The following GPATCH2L variants were observed in gnomAD, a reference collection of about 807,000 sequenced individuals.
GPATCH2L encodes G patch domain-containing protein 2-like.
In GPATCH2L, 31 loss-of-function variants were observed where a neutral mutation model predicts 57.4. The ratio of observed to expected loss-of-function variants is 0.54; its 90% CI spans 0.41 to 0.73. The LOEUF (loss-of-function observed/expected upper bound fraction) is 0.73, where lower values mean the gene tolerates loss of function less well. Among genes scored for constraint, GPATCH2L ranks in the 30% least tolerant of loss-of-function variants. GPATCH2L has a pLI of 0.00. For synonymous variants in GPATCH2L, 199 were observed against 210.7 expected (o/e 0.94, Z 0.48); for missense variants, 481 against 599.9 (o/e 0.80, Z 2.07).
intron 8 of GPATCH2L, among the ~76,000 whole-genome samples, chr14:76,184,085 G>A (rs2039680167): frequency 6.6e-6 from 1 of 151,044 alleles, no homozygotes; most frequent in Non-Finnish European, 1.5e-5. Flanking sequence ...GTTATCATTA[G>A]TGGTATAATT....
At chr14:76,174,335 A>C (rs755584004) in intron 5 of GPATCH2L, 2 of 152,204 alleles carry the variant, frequency 1.3e-5, no homozygotes, top group Non-Finnish European at 2.9e-5. Context: ...CTCTACTTTG[A>C]GATTGAGGAA....
At chr14:76,226,424 A>T (rs1376805112) in intron 1 of GPATCH2L, among the ~76,000 whole-genome samples, 1 of 152,176 alleles carries the variant, frequency 6.6e-6, no homozygotes, top group Non-Finnish European at 1.5e-5. Context: ...ACAAATCAGG[A>T]TTGTGCTTGC....
chr14:76,216,743 A>G (rs1033884495), downstream of GPATCH2L, among the ~76,000 whole-genome samples: 3 of 152,184 alleles, frequency 2.0e-5, no homozygotes, highest in East Asian at 1.9e-4. Context: ...AAACCTTTTA[A>G]GAGAGCACTT....
intron 2 of GPATCH2L, among the ~76,000 whole-genome samples, chr14:76,161,419 T>A (rs1312289490): frequency 6.6e-6 from 1 of 152,202 alleles, no homozygotes; most frequent in Non-Finnish European, 1.5e-5. Flanking sequence ...AGATGGTAAT[T>A]TATTAATACC....
rs185085760 is a variant in GPATCH2L at position 76,159,546 on chromosome 14, A to G, written c.662+4521A>G. On this transcript the variant is annotated intron_variant, in intron 2 of 9. Coordinates refer to ENST00000261530, the MANE Select transcript of GPATCH2L (RefSeq NM_017926.4). ...TGCTACTGGGAGGCTTTTATCTCATACAGCTATGCTGGACTGAGATAGGAT... is the reference window on the plus strand; with the variant it reads ...TGCTACTGGGAGGCTTTTATCTCATGCAGCTATGCTGGACTGAGATAGGAT... 2.1e-3 allele frequency among the ~76,000 whole-genome samples: 317 copies of G among 152,000 alleles called. 1 individual carries two copies. The highest frequency in any genetic ancestry group is 3.5e-3 in the Non-Finnish European group (241 of 67,972).
rs184117974 is a variant in GPATCH2L, at chr14:76,170,358, T to A, written c.728-1485T>A. Among the ~76,000 whole-genome samples the A allele has an allele frequency of 2.2e-4, 34 of 152,238 alleles. 1 individual carries two copies. Among genetic ancestry groups the A allele is most frequent in the African/African-American group, 7.5e-4 (31 of 41,532 alleles). Reference sequence around the variant, plus strand: ...TTCAATTTTGCTATTTTGCAAGGGGTATGTGGTGGCAGACATACAATTATC... The same window carrying A: ...TTCAATTTTGCTATTTTGCAAGGGGAATGTGGTGGCAGACATACAATTATC... On this transcript the variant is annotated intron_variant, in intron 3 of 9. Coordinates refer to ENST00000261530, the MANE Select transcript of GPATCH2L (RefSeq NM_017926.4).
intron 2 of GPATCH2L, among the ~76,000 whole-genome samples, chr14:76,235,181 A>G (rs575455216): frequency 1.3e-5 from 2 of 152,042 alleles, no homozygotes; most frequent in Non-Finnish European, 2.9e-5. Flanking sequence ...AAAAAAAAAA[A>G]AAAGAAAAAA....
intron 8 of GPATCH2L, among the ~76,000 whole-genome samples, chr14:76,187,212 C>T (rs1306805691): frequency 1.3e-5 from 2 of 151,792 alleles, no homozygotes; most frequent in Non-Finnish European, 2.9e-5. Flanking sequence ...TAGATTTAAT[C>T]CTCCTTTTTC....
At position 76,205,714 on chromosome 14, in the gene GPATCH2L, G is replaced by GA. The variant is rs1299212546; in HGVS notation, c.*3868dup. 6.6e-6 allele frequency: 1 copy of GA among 152,242 alleles called. No individual in the cohort carries two copies. The highest frequency in any genetic ancestry group is 2.4e-5 in the African/African-American group (1 of 41,436). The allele number at this position is 152,242 out of a possible 1,614,324, so 9.4% of individuals were successfully genotyped here. A position where few individuals can be genotyped will look rare whatever the true frequency, so the allele number is the denominator to read the frequency against. ...GTTATCATTAAAGTCACTTGGAATTGAAAAAGATACAGAGTGTTGAGACAA... is the reference window on the plus strand; with the variant it reads ...GTTATCATTAAAGTCACTTGGAATTGAAAAAAGATACAGAGTGTTGAGACAA... On this transcript the variant is annotated 3_prime_UTR_variant, in exon 10 of 10. Transcript: ENST00000261530.
Position 76,154,710 on chromosome 14 carries a change from C to T in GPATCH2L, c.347C>T (p.Ser116Phe), listed in dbSNP as rs1332755100. ...CAACATTCTTGGCATGAATCTGACT[C>T]CTTTACTGAAAATGCACCTTGTCGA... ...SKQHSWHESD[S>F]FTENAPCRPL... The change falls in exon 2 of 10, where the codon TCC becomes TTC. Residue 116 changes from serine to phenylalanine, a missense_variant. Ser to Phe is a radical substitution (Grantham distance 155). This residue lies in a region of GPATCH2L where 208 missense variants were observed against 272.4 expected (regional missense o/e 0.76). Coordinates refer to ENST00000261530, the MANE Select transcript of GPATCH2L (RefSeq NM_017926.4). This position sits in a 1 kb window ranked among gnomAD's most constrained non-coding sequence, Gnocchi z 4.4. The T allele has an allele frequency of 2.5e-6, 4 of 1,614,204 alleles. No homozygotes were observed. Among genetic ancestry groups the T allele is most frequent in the Non-Finnish European group, 2.5e-6 (3 of 1,180,020 alleles).
chr14:76,156,692 A>AT (rs1223566863), intron 2 of GPATCH2L, among the ~76,000 whole-genome samples: 2 of 152,216 alleles, frequency 1.3e-5, no homozygotes, highest in African/African-American at 4.8e-5. Flanking sequence ...GAGAATGGTG[A>AT]TTTTAAAAGT....
intron 8 of GPATCH2L, among the ~76,000 whole-genome samples, chr14:76,190,098 A>C (rs1021009743): frequency 1.4e-4 from 19 of 138,134 alleles, no homozygotes; most frequent in African/African-American, 4.2e-4. Flanking sequence ...TTAAACATGC[A>C]TGTATTTCTC....
At chr14:76,222,365 G>A (rs2040518877) in intron 1 of GPATCH2L, among the ~76,000 whole-genome samples, 1 of 152,172 alleles carries the variant, frequency 6.6e-6, no homozygotes, top group Admixed American at 6.5e-5. Context: ...CTAGTTCTTT[G>A]GGAGGCCAGG....
At chr14:76,193,064 C>T (rs2040032599) in intron 8 of GPATCH2L, among the ~76,000 whole-genome samples, 1 of 152,056 alleles carries the variant, frequency 6.6e-6, no homozygotes, top group Non-Finnish European at 1.5e-5. Flanking sequence ...CCACCTGAGC[C>T]ATTGAACCCA....
intron 2 of GPATCH2L, 124 bp downstream of exon 2, chr14:76,155,149 C>T: frequency 2.8e-6 from 2 of 711,008 alleles, no homozygotes; most frequent in Non-Finnish European, 4.6e-6. Flanking sequence ...TTGAAGCCTT[C>T]CTTGAATCAA....
intron 3 of GPATCH2L, among the ~76,000 whole-genome samples, chr14:76,170,898 C>T (rs1477334675): frequency 6.6e-6 from 1 of 152,130 alleles, no homozygotes; most frequent in African/African-American, 2.4e-5. Context: ...TTGACCTTGA[C>T]TTCTCTAGGC....
chr14:76,177,930 A>G, intron 6 of GPATCH2L, 58 bp from the exon 7 acceptor site: 1 of 1,600,626 alleles, frequency 6.2e-7, no homozygotes, highest in Non-Finnish European at 8.6e-7. Context: ...GAACGAAATC[A>G]GGTAAGATCA....
At chr14:76,222,342 C>T (rs375310384) in intron 1 of GPATCH2L, among the ~76,000 whole-genome samples, 45 of 152,314 alleles carry the variant, frequency 3.0e-4, no homozygotes, top group South Asian at 2.5e-3. Context: ...CATGGTGGCT[C>T]GTGCCTGTAA....
At position 76,190,702 on chromosome 14, in the gene GPATCH2L, G is replaced by A. The variant is rs553148860; in HGVS notation, c.1194-5176G>A. Among the ~76,000 whole-genome samples, 3 of 152,198 alleles carry A rather than the reference G, an allele frequency of 2.0e-5. No homozygotes were observed. In the East Asian group the frequency reaches 5.8e-4, roughly 29 times the overall value. On this transcript the variant is annotated intron_variant, in intron 8 of 9. Coordinates refer to ENST00000261530, the MANE Select transcript of GPATCH2L (RefSeq NM_017926.4). ...CTATTATTGACTAGGTTGGCTCTGGGAATTTGGTAGATTTTTCAACTCAGT... is the reference window on the plus strand; with the variant it reads ...CTATTATTGACTAGGTTGGCTCTGGAAATTTGGTAGATTTTTCAACTCAGT...
Sources: gnomAD v4.1 joint callset for allele counts (sites outside exome capture counted in the v4.1 genomes callset) on GRCh38, gnomAD v4.1.1 for gene constraint, gnomAD v4.1.1 regional missense constraint, Gnocchi (gnomAD v3.1) non-coding constraint, MANE v1.5 for transcripts, NCBI Gene and HGNC (gene_info 2026-07-23, HGNC 2026-07-21) for gene names.